The following ATP11C variants were observed in gnomAD, a reference collection of about 807,000 sequenced individuals.
ATP11C encodes phospholipid-transporting ATPase IG.
Under a neutral mutation model 97.4 loss-of-function variants are expected in ATP11C, and 36 were observed. The ratio of observed to expected loss-of-function variants is 0.37; its 90% CI spans 0.28 to 0.49. The LOEUF (loss-of-function observed/expected upper bound fraction) is 0.49, where lower values mean the gene tolerates loss of function less well. Among genes scored for constraint, ATP11C ranks in the 20% least tolerant of loss-of-function variants. ATP11C has a pLI of 0.98. For missense variants in ATP11C, 730 were observed against 824.6 expected (o/e 0.89, Z 1.40); for synonymous variants, 275 against 290.9 (o/e 0.95, Z 0.56).
intron 28 of ATP11C, chrX:139,732,544 AAAGGTGG>A (rs751715890): frequency 3.0e-6 from 1 of 329,084 alleles, no homozygotes; most frequent in South Asian, 3.0e-5. Context: ...CAATTGCACA[AAAGGTGG>A]AAAATTGCAG....
intron 1 of ATP11C, among the ~76,000 whole-genome samples, chrX:139,892,132 C>T (rs901678958): frequency 9.0e-6 from 1 of 111,517 alleles, no homozygotes; most frequent in African/African-American, 3.3e-5. Context: ...GCTGGGATTA[C>T]GGGCGCGAGC....
chrX:139,745,279 G>A (rs981234483), intron 25 of ATP11C, among the ~76,000 whole-genome samples: 30 of 111,107 alleles, frequency 2.7e-4, no homozygotes, highest in African/African-American at 9.8e-4. Flanking sequence ...GGAAGAGGAG[G>A]GAGAGAAGAG....
intron 1 of ATP11C, among the ~76,000 whole-genome samples, chrX:139,885,112 T>C (rs773906170): frequency 9.0e-6 from 1 of 110,831 alleles, no homozygotes; most frequent in South Asian, 3.9e-4. Context: ...CTTCCAAATC[T>C]CAATTTCTAC....
rs1424286803 is a variant in ATP11C at position 139,933,031 on chromosome X, G to A, written c.-989C>T. 1 of 112,036 alleles carries A rather than the reference G, an allele frequency of 8.9e-6. No homozygotes were observed. The highest frequency in any genetic ancestry group is 3.2e-5 in the African/African-American group (1 of 30,877). 9.2% of individuals were successfully genotyped at this position (112,036 alleles called of 1,213,427 possible). ...CCTTCTTACTTCCACTTTCTCTGAG[G>A]TTGTAAAGTCAGGCTTTGTGTCGTT... On this transcript the variant is annotated 5_prime_UTR_variant, in exon 1 of 30. Coordinates refer to ENST00000682941, the MANE Select transcript of ATP11C (RefSeq NM_001353812.2).
chrX:139,795,332 T>C (rs1413612131), intron 12 of ATP11C, among the ~76,000 whole-genome samples: 2 of 111,457 alleles, frequency 1.8e-5, no homozygotes, highest in Non-Finnish European at 3.8e-5. Flanking sequence ...AAAGACTATA[T>C]CAAGAGTAGA....
At chrX:139,920,135 G>A (rs1569492726) in intron 1 of ATP11C, among the ~76,000 whole-genome samples, 3 of 110,387 alleles carry the variant, frequency 2.7e-5, no homozygotes, top group Non-Finnish European at 5.7e-5. Context: ...CGAGCCGGGC[G>A]GATGACCTGA....
At position 139,755,575 on chromosome X, in the gene ATP11C, C is replaced by T. The variant is rs373772382; in HGVS notation, c.2700+2233G>A. Among the ~76,000 whole-genome samples, 22 of 111,878 alleles carry T rather than the reference C, an allele frequency of 2.0e-4. No homozygotes were observed. In the South Asian group the frequency reaches 7.9e-3, roughly 40 times the overall value. On this transcript the variant is annotated intron_variant, in intron 23 of 29. Transcript: ENST00000682941. The stretch of plus-strand genomic sequence containing the variant: ...AAGCTGGAGGCATTACAATACCTGA[C>T]TTCAAACTATACTACAGGCTACAGT...
intron 1 of ATP11C, among the ~76,000 whole-genome samples, chrX:139,871,088 A>G (rs1278378015): frequency 9.5e-6 from 1 of 105,456 alleles, no homozygotes; most frequent in Non-Finnish European, 2.0e-5. Flanking sequence ...AAAAAAAGAT[A>G]CACGCACTGT....
At chrX:139,839,249 A>G (rs1029205033) in intron 1 of ATP11C, among the ~76,000 whole-genome samples, 2 of 111,915 alleles carry the variant, frequency 1.8e-5, no homozygotes, top group Admixed American at 9.4e-5. Context: ...TAACTGTTTA[A>G]TAAGTATGGA....
intron 1 of ATP11C, among the ~76,000 whole-genome samples, chrX:139,878,076 C>T (rs1043278664): frequency 1.8e-5 from 2 of 112,003 alleles, no homozygotes; most frequent in Non-Finnish European, 1.9e-5. Context: ...ATGGGTTTTA[C>T]ATTTATAGTC....
At chrX:139,771,838 G>A (rs185182734) in intron 19 of ATP11C, among the ~76,000 whole-genome samples, 2 of 112,020 alleles carry the variant, frequency 1.8e-5, no homozygotes, top group Admixed American at 9.4e-5. Flanking sequence ...CATTTTAAAA[G>A]GGAAACAGAG....
rs2083001242 is a variant in ATP11C, at chrX:139,804,570, A to C, written c.456T>G (p.Asp152Glu). ...KVGDVVEVQA[D>E]ETFPCDLILL... The stretch of plus-strand genomic sequence containing the variant: ...GAATAAGATCACAGGGAAAGGTTTC[A>C]TCTGCCTGTACTTCTACTACATCAC... Residue 152 changes from aspartate to glutamate, a missense_variant, in exon 6 of 30, where the codon GAT (aspartate) becomes GAG (glutamate). Physicochemically the swap from Asp to Glu is conservative, Grantham distance 45 (BLOSUM62 2). Transcript: ENST00000682941. 8.4e-7 allele frequency: 1 copy of C among 1,196,191 alleles called. No homozygotes were observed. The highest frequency in any genetic ancestry group is 1.1e-6 in the Non-Finnish European group (1 of 884,643).
intron 3 of ATP11C, among the ~76,000 whole-genome samples, chrX:139,817,749 A>C (rs182945452): frequency 0.012 from 1,353 of 112,068 alleles, 21 homozygotes; most frequent in African/African-American, 0.043. Context: ...GCAGGCATGG[A>C]AAGAAGTTCT....
chrX:139,897,186 A>G (rs2084823867), intron 1 of ATP11C, among the ~76,000 whole-genome samples: 1 of 111,149 alleles, frequency 9.0e-6, no homozygotes, highest in Non-Finnish European at 1.9e-5. Flanking sequence ...AGATTGGGCC[A>G]CTGCACTCCA....
chrX:139,886,584 C>CAA (rs144833892), intron 1 of ATP11C, among the ~76,000 whole-genome samples: 64 of 34,812 alleles, frequency 1.8e-3, no homozygotes, highest in African/African-American at 4.2e-3. Context: ...GACTCCATCT[C>CAA]AAAAAAAAAA....
chrX:139,810,009 T>A (rs1201207024), intron 5 of ATP11C, among the ~76,000 whole-genome samples: 6 of 111,475 alleles, frequency 5.4e-5, no homozygotes, highest in African/African-American at 2.0e-4. Flanking sequence ...ATATATTTTA[T>A]TACCAAAAAA....
intron 1 of ATP11C, among the ~76,000 whole-genome samples, chrX:139,903,499 C>G (rs1167387496): frequency 9.1e-6 from 1 of 109,496 alleles, no homozygotes; most frequent in Non-Finnish European, 1.9e-5. Flanking sequence ...AGGGTGGCAA[C>G]CCCAGGAAGG....
intron 1 of ATP11C, among the ~76,000 whole-genome samples, chrX:139,853,833 CA>C (rs934664774): frequency 0.048 from 1,014 of 21,192 alleles, 1 homozygote; most frequent in Middle Eastern, 0.12. Context: ...TATCCTAAGT[CA>C]AAAAAAAAAA....
At chrX:139,896,179 A>C (rs2497282) in intron 1 of ATP11C, among the ~76,000 whole-genome samples, 21,276 of 110,820 alleles carry the variant, frequency 0.19, 3,543 homozygotes, top group African/African-American at 0.53. Context: ...CTACTTCAGA[A>C]AGGTGACCAA....
Sources: gnomAD v4.1 joint callset for allele counts (sites outside exome capture counted in the v4.1 genomes callset) on GRCh38, gnomAD v4.1.1 for gene constraint, MANE v1.5 for transcripts, NCBI Gene and HGNC (gene_info 2026-07-23, HGNC 2026-07-21) for gene names.